Variants in CCDC191 observed in about 807,000 individuals in gnomAD.
CCDC191 encodes coiled-coil domain-containing protein 191.
CCDC191 carries 99 observed loss-of-function variants against 114.0 expected under a neutral mutation model. The ratio of observed to expected loss-of-function variants is 0.87; its 90% CI spans 0.74 to 1.03. CCDC191 has a LOEUF of 1.03. Among genes scored for constraint, CCDC191 ranks in the 50% least tolerant of loss-of-function variants. The pLI is 0.00. For synonymous variants in CCDC191, 351 were observed against 376.0 expected (o/e 0.93, Z 0.77); for missense variants, 973 against 1,087.0 (o/e 0.90, Z 1.47).
chr3:114,030,336 A>G lies in CCDC191; in HGVS notation c.972+1290T>C, dbSNP rs1577449489. On this transcript the variant is annotated intron_variant, in intron 7 of 16. Transcript: ENST00000295878. Reference sequence around the variant, plus strand: ...TAGAAAACACACTTTATTTGTCTCTAATTTGTTGGGAAATATATCATGGTA... The same window carrying G: ...TAGAAAACACACTTTATTTGTCTCTGATTTGTTGGGAAATATATCATGGTA... 2.6e-5 allele frequency among the ~76,000 whole-genome samples: 4 copies of G among 152,212 alleles called. No homozygotes were observed. The South Asian group carries it at 8.3e-4, about 32-fold the overall frequency.
chr3:113,965,307 T>C lies in CCDC191; in HGVS notation c.2659A>G (p.Lys887Glu). ...RTWKKFVKFM[K>E]EERVKEERRQ... The stretch of plus-strand genomic sequence containing the variant: ...CTTTCTTCTTTTACTCTTTCCTCTT[T>C]CATAAATTTTACAAACTTCTTCCAT... The change falls in exon 17 of 17, where the codon AAA (lysine) becomes GAA (glutamate). Residue 887 changes from lysine to glutamate, a missense_variant. Coordinates refer to ENST00000295878, the MANE Select transcript of CCDC191 (RefSeq NM_020817.2). 6.2e-7 allele frequency: 1 copy of C among 1,610,904 alleles called. No individual in the cohort carries two copies. Among genetic ancestry groups the C allele is most frequent in the Non-Finnish European group, 8.5e-7 (1 of 1,178,694 alleles).
At position 114,034,427 on chromosome 3, in the gene CCDC191, T is replaced by C. The variant is rs538733218; in HGVS notation, c.818+498A>G. Reference sequence around the variant, plus strand: ...CAAAACAACCCATTTTGAAAGCAATTTGGCAATGTTTCAAGAGTCAGAAAA... The same window carrying C: ...CAAAACAACCCATTTTGAAAGCAATCTGGCAATGTTTCAAGAGTCAGAAAA... On this transcript the variant is annotated intron_variant, in intron 6 of 16. Transcript: ENST00000295878. Among the ~76,000 whole-genome samples, 47 of 152,276 alleles carry C rather than the reference T, an allele frequency of 3.1e-4. 1 individual carries two copies. The highest frequency in any genetic ancestry group is 2.6e-3 in the Admixed American group (40 of 15,294).
At chr3:113,994,846 T>C (rs934751853) in intron 13 of CCDC191, among the ~76,000 whole-genome samples, 4 of 152,092 alleles carry the variant, frequency 2.6e-5, no homozygotes, top group African/African-American at 9.7e-5. Flanking sequence ...CCTTCCAAAG[T>C]GCTGGGATTA....
chr3:114,006,002 G>A, intron 9 of CCDC191, 40 bp from the exon 10 acceptor site: 1 of 1,539,702 alleles, frequency 6.5e-7, no homozygotes, highest in Non-Finnish European at 9.0e-7. Flanking sequence ...CTATTTAAAG[G>A]ACTGTGCTGA....
chr3:113,987,971 A>C (rs2075421150), intron 13 of CCDC191, among the ~76,000 whole-genome samples: 1 of 151,202 alleles, frequency 6.6e-6, no homozygotes, highest in African/African-American at 2.4e-5. Context: ...GAACCCAGGA[A>C]GCGGATGTTG....
At chr3:113,995,297 C>T (rs1468133700) in intron 13 of CCDC191, among the ~76,000 whole-genome samples, 2 of 152,046 alleles carry the variant, frequency 1.3e-5, no homozygotes, top group African/African-American at 2.4e-5. Flanking sequence ...CGCATTTATA[C>T]CCCCTAAATC....
Position 114,010,825 on chromosome 3 carries a change from T to G in CCDC191, c.1360A>C (p.Ser454Arg). Residue 454 changes from serine to arginine, a missense_variant, in exon 9 of 17, where the codon AGT becomes CGT. By Grantham distance (110) the Ser-to-Arg change is moderately radical. Coordinates refer to ENST00000295878, the MANE Select transcript of CCDC191 (RefSeq NM_020817.2). ...KLSANGLSGI[S>R]LPEEATAMVG... Reference sequence around the variant, plus strand: ...ATGGCTGTTGCCTCCTCAGGTAGACTGATGCCTGATAACCCATTGGCACTG... The same window carrying G: ...ATGGCTGTTGCCTCCTCAGGTAGACGGATGCCTGATAACCCATTGGCACTG... 3 of 1,614,022 alleles carry G rather than the reference T, an allele frequency of 1.9e-6. No homozygotes were observed. Among genetic ancestry groups the G allele is most frequent in the Non-Finnish European group, 1.7e-6 (2 of 1,179,840 alleles).
At position 114,033,463 on chromosome 3, in the gene CCDC191, GATA is replaced by G. The variant is rs552565553; in HGVS notation, c.818+1459_818+1461del. Among the ~76,000 whole-genome samples the G allele has an allele frequency of 4.6e-3, 697 of 152,210 alleles. 7 individuals carry two copies. Among genetic ancestry groups the G allele is most frequent in the African/African-American group, 0.016 (665 of 41,532 alleles). On this transcript the variant is annotated intron_variant, in intron 6 of 16. Transcript: ENST00000295878. ...TAAGGCTGTAATTCCTAGGTCAAGGGATAATACTATTTTACGGCTCTTGTTGTT... is the reference window on the plus strand; with the variant it reads ...TAAGGCTGTAATTCCTAGGTCAAGGGATACTATTTTACGGCTCTTGTTGTT...
At chr3:114,001,171 A>AT (rs1439237216) in intron 13 of CCDC191, among the ~76,000 whole-genome samples, 1 of 152,210 alleles carries the variant, frequency 6.6e-6, no homozygotes, top group Non-Finnish European at 1.5e-5. Context: ...CATTAAACAC[A>AT]TATCTGCTGG....
chr3:113,970,742 G>A (rs113856831), intron 16 of CCDC191, among the ~76,000 whole-genome samples: 3,502 of 148,482 alleles, frequency 0.024, 145 homozygotes, highest in African/African-American at 0.081. Context: ...AGCAGACCCC[G>A]GTGTGTGATG....
intron 7 of CCDC191, among the ~76,000 whole-genome samples, chr3:114,030,624 C>A (rs1483433120): frequency 6.6e-6 from 1 of 152,158 alleles, no homozygotes; most frequent in African/African-American, 2.4e-5. Flanking sequence ...TAATTACAAC[C>A]TCTTATCAGT....
chr3:114,006,214 C>T (rs1342441574), intron 9 of CCDC191, among the ~76,000 whole-genome samples: 3 of 151,394 alleles, frequency 2.0e-5, no homozygotes, highest in East Asian at 3.9e-4. Context: ...GTTGGGAGGC[C>T]GAGATGGGCA....
At chr3:114,055,417 TG>T (rs1366180657) in intron 1 of CCDC191, among the ~76,000 whole-genome samples, 1 of 152,258 alleles carries the variant, frequency 6.6e-6, no homozygotes, top group Non-Finnish European at 1.5e-5. Context: ...CAAGTCTCCC[TG>T]ATGCTTCAGT....
chr3:114,005,430 CA>C (rs2075935880), intron 10 of CCDC191, 77 bp downstream of exon 10: 1 of 1,359,486 alleles, frequency 7.4e-7, no homozygotes, highest in South Asian at 1.4e-5. Context: ...GGCTCAGAAG[CA>C]GGGCAAAGAA....
At chr3:114,008,642 C>T (rs1403221643) in intron 9 of CCDC191, among the ~76,000 whole-genome samples, 1 of 151,818 alleles carries the variant, frequency 6.6e-6, no homozygotes, top group Non-Finnish European at 1.5e-5. Context: ...AACACCATAA[C>T]TAAACCAAAA....
At chr3:113,972,329 T>G (rs1487140040) in intron 16 of CCDC191, among the ~76,000 whole-genome samples, 1 of 152,170 alleles carries the variant, frequency 6.6e-6, no homozygotes, top group African/African-American at 2.4e-5. Context: ...AATTTCTTCA[T>G]TGACCCATTG....
At chr3:113,979,470 CA>C (rs2075062594) in intron 14 of CCDC191, among the ~76,000 whole-genome samples, 2 of 152,206 alleles carry the variant, frequency 1.3e-5, no homozygotes. Flanking sequence ...GAAATTTAGA[CA>C]TTATCAATAA....
At chr3:113,978,050 G>C (rs951750900) in intron 16 of CCDC191, 136 bp downstream of exon 16, 1 of 876,274 alleles carries the variant, frequency 1.1e-6, no homozygotes, top group African/African-American at 1.7e-5. Context: ...GGTGAGCCGG[G>C]ACTCCCACCC....
chr3:114,054,449 G>A (rs1467653038), intron 1 of CCDC191, among the ~76,000 whole-genome samples: 2 of 152,026 alleles, frequency 1.3e-5, no homozygotes, highest in African/African-American at 2.4e-5. Context: ...TGGCTAATAC[G>A]GTGAAACCCC....
Sources: allele counts gnomAD v4.1 joint callset (sites outside exome capture counted in the v4.1 genomes callset), GRCh38; gene constraint gnomAD v4.1.1; transcripts MANE v1.5; gene names NCBI Gene and HGNC (gene_info 2026-07-23, HGNC 2026-07-21).